The following LRRC37A variants were observed in gnomAD, a reference collection of about 807,000 sequenced individuals.
LRRC37A encodes leucine-rich repeat-containing protein 37A.
LRRC37A carries 3 observed loss-of-function variants against 35.4 expected under a neutral mutation model. The observed-to-expected ratio is 0.08, with a 90% CI of 0.04 to 0.22. The LOEUF (loss-of-function observed/expected upper bound fraction) is 0.22, where lower values mean the gene tolerates loss of function less well. LRRC37A is among the 10% of genes least tolerant of loss of function. The probability of loss-of-function intolerance (pLI) is 1.00; values close to 1 mark genes in which losing one functional copy is unlikely to be tolerated. For synonymous variants in LRRC37A, 23 were observed against 215.0 expected, an observed-to-expected ratio of 0.11 and a Z score of 7.81; for missense variants, 67 against 565.3, an observed-to-expected ratio of 0.12 and a Z score of 8.94.
the LRRC37A span, among the ~76,000 whole-genome samples, chr17:46,279,189 T>C: frequency 1.8e-4 from 21 of 115,176 alleles, no homozygotes; most frequent in African/African-American, 5.3e-4. Context: ...TTTTTCTTTT[T>C]TTTTTTTTTT....
At chr17:46,274,765 G>T in the LRRC37A span, 21,759 of 150,430 alleles carry the variant, frequency 0.14, 1,921 homozygotes, top group Middle Eastern at 0.22. Flanking sequence ...CAGTATCATT[G>T]TTTCTTGCTT....
At chr17:46,263,140 C>A in the LRRC37A span, among the ~76,000 whole-genome samples, 2 of 151,862 alleles carry the variant, frequency 1.3e-5, no homozygotes, top group African/African-American at 4.8e-5. Flanking sequence ...CTGAGTCCCG[C>A]GAGGTCAAGG....
the LRRC37A span, among the ~76,000 whole-genome samples, chr17:46,250,116 G>A: frequency 0.15 from 22,034 of 151,790 alleles, 2,199 homozygotes; most frequent in Non-Finnish European, 0.22. Flanking sequence ...ATATTTAGTA[G>A]AGACTGGTTT....
the LRRC37A span, among the ~76,000 whole-genome samples, chr17:46,286,874 T>C: frequency 6.6e-6 from 1 of 152,240 alleles, no homozygotes; most frequent in Admixed American, 6.5e-5. Flanking sequence ...TCATTACAGA[T>C]GTACACATCC....
At chr17:46,262,637 T>TACTTCTC in the LRRC37A span, among the ~76,000 whole-genome samples, 3 of 152,214 alleles carry the variant, frequency 2.0e-5, no homozygotes, top group Non-Finnish European at 4.4e-5. Flanking sequence ...TTTCTCCTTG[T>TACTTCTC]ACTTTTGTGA....
the LRRC37A span, among the ~76,000 whole-genome samples, chr17:46,257,174 T>A: frequency 1.6e-3 from 245 of 151,962 alleles, 2 homozygotes; most frequent in African/African-American, 5.7e-3. Context: ...AGGCTGGGCA[T>A]GGTGGCTCAC....
chr17:46,282,560 A>C, the LRRC37A span, among the ~76,000 whole-genome samples: 1 of 148,938 alleles, frequency 6.7e-6, no homozygotes, highest in East Asian at 2.0e-4. Flanking sequence ...GACTATAGGC[A>C]CTCATCACCA....
At chr17:46,276,790 CTT>C in the LRRC37A span, among the ~76,000 whole-genome samples, 9 of 134,290 alleles carry the variant, frequency 6.7e-5, no homozygotes, top group Admixed American at 2.3e-4. Context: ...TTCTTTTTTT[CTT>C]TTTTTTTTTT....
the LRRC37A span, among the ~76,000 whole-genome samples, chr17:46,262,388 TAA>T: frequency 4.6e-5 from 7 of 151,884 alleles, no homozygotes; most frequent in South Asian, 2.1e-4. Context: ...TCTTCTTTTT[TAA>T]TTAATAGAGA....
At chr17:46,279,316 G>A in the LRRC37A span, among the ~76,000 whole-genome samples, 18,188 of 147,482 alleles carry the variant, frequency 0.12, 2 homozygotes, top group Non-Finnish European at 0.18. Flanking sequence ...CCCAAGTAGC[G>A]AGGATTACAG....
At chr17:46,280,170 C>G in the LRRC37A span, among the ~76,000 whole-genome samples, 8 of 152,120 alleles carry the variant, frequency 5.3e-5, no homozygotes, top group African/African-American at 1.7e-4. Flanking sequence ...TTGAGACCAG[C>G]TTGGCCAACA....
the LRRC37A span, among the ~76,000 whole-genome samples, chr17:46,264,220 T>C: frequency 4.0e-5 from 6 of 151,104 alleles, no homozygotes; most frequent in African/African-American, 1.5e-4. Context: ...TCCCTCAGTC[T>C]CCCAAAGTGC....
chr17:46,268,941 A>C, the LRRC37A span, among the ~76,000 whole-genome samples: 1 of 152,260 alleles, frequency 6.6e-6, no homozygotes, highest in African/African-American at 2.4e-5. Flanking sequence ...TACACAGCTC[A>C]GATAACTGAC....
the LRRC37A span, among the ~76,000 whole-genome samples, chr17:46,265,060 TGTCTA>T: frequency 6.6e-6 from 1 of 152,252 alleles, no homozygotes; most frequent in Non-Finnish European, 1.5e-5. Context: ...TATCTGGGCC[TGTCTA>T]GTCTGGAGAA....
chr17:46,292,945 CTTTTTTT>C (rs57946759), upstream of LRRC37A: 7 of 8,654 alleles, frequency 8.1e-4, no homozygotes, highest in East Asian at 0.016. Flanking sequence ...CCATTTTTAT[CTTTTTTT>C]TTTTTTTTTT....
the LRRC37A span, among the ~76,000 whole-genome samples, chr17:46,256,640 C>T: frequency 6.7e-4 from 102 of 152,276 alleles, no homozygotes; most frequent in African/African-American, 2.2e-3. Context: ...CCGAACTAGC[C>T]TCTTTACATA....
chr17:46,279,307 C>T, the LRRC37A span, among the ~76,000 whole-genome samples: 1 of 151,484 alleles, frequency 6.6e-6, no homozygotes, highest in Non-Finnish European at 1.5e-5. Context: ...CCTCAGCCTC[C>T]CAAGTAGCGA....
At chr17:46,286,170 T>C in the LRRC37A span, among the ~76,000 whole-genome samples, 1 of 152,260 alleles carries the variant, frequency 6.6e-6, no homozygotes, top group Admixed American at 6.5e-5. Flanking sequence ...ACCTGAAAAT[T>C]TGCTAAACCC....
chr17:46,281,232 AC>A, the LRRC37A span, among the ~76,000 whole-genome samples: 2 of 151,854 alleles, frequency 1.3e-5, no homozygotes, highest in African/African-American at 4.8e-5. Flanking sequence ...TGCTCCCCCC[AC>A]CCCTCATAGA....
Sources: gnomAD v4.1 joint callset for allele counts (sites outside exome capture counted in the v4.1 genomes callset) on GRCh38, gnomAD v4.1.1 for gene constraint, MANE v1.5 for transcripts, NCBI Gene and HGNC (gene_info 2026-07-23, HGNC 2026-07-21) for gene names.